Variants in ERBB4 observed in about 807,000 individuals in gnomAD.
ERBB4 encodes erb-b2 receptor tyrosine kinase 4, also known as receptor tyrosine-protein kinase erbB-4.
In ERBB4, 42 loss-of-function variants were observed where a neutral mutation model predicts 158.0. That is an observed-to-expected ratio of 0.27 (90% CI 0.21 to 0.34). The LOEUF (loss-of-function observed/expected upper bound fraction) is 0.34. Among genes scored for constraint, ERBB4 ranks in the 10% least tolerant of loss-of-function variants. The pLI is 1.00. For missense variants in ERBB4, 1,333 were observed against 1,624.1 expected (o/e 0.82, Z 3.08); for synonymous variants, 583 against 558.7 (o/e 1.04, Z -0.61).
chr2:211,422,471 A>G (rs2063533589), intron 23 of ERBB4, among the ~76,000 whole-genome samples: 1 of 147,092 alleles, frequency 6.8e-6, no homozygotes, highest in East Asian at 2.0e-4. Flanking sequence ...TTCTTGTGCT[A>G]CATTTGTCCT....
At chr2:212,471,219 A>G (rs1419385650) in intron 1 of ERBB4, among the ~76,000 whole-genome samples, 3 of 151,980 alleles carry the variant, frequency 2.0e-5, no homozygotes, top group Non-Finnish European at 4.4e-5. Context: ...CTTACAATCC[A>G]TTTCATATTG....
At chr2:212,079,108 A>G (rs1262635976) in intron 2 of ERBB4, among the ~76,000 whole-genome samples, 4 of 151,092 alleles carry the variant, frequency 2.6e-5, no homozygotes, top group Non-Finnish European at 5.9e-5. Context: ...TGTTAGATAT[A>G]ATAATAAAAT....
chr2:212,483,919 A>G (rs1575005901), intron 1 of ERBB4, among the ~76,000 whole-genome samples: 2 of 151,960 alleles, frequency 1.3e-5, no homozygotes, highest in Non-Finnish European at 2.9e-5. Context: ...TTAATTTTTA[A>G]TAGAGACGGA....
intron 1 of ERBB4, among the ~76,000 whole-genome samples, chr2:212,317,007 C>A (rs1028809344): frequency 5.3e-5 from 8 of 151,352 alleles, no homozygotes; most frequent in African/African-American, 1.7e-4. Context: ...GTTTTTCTTC[C>A]CTTGCTCATT....
At chr2:211,403,299 C>T (rs1215031865) in intron 25 of ERBB4, among the ~76,000 whole-genome samples, 1 of 152,116 alleles carries the variant, frequency 6.6e-6, no homozygotes, top group East Asian at 1.9e-4. Flanking sequence ...CAACTCAGGC[C>T]TCAGAGCCAA....
At chr2:212,462,567 A>C (rs1254798021) in intron 1 of ERBB4, among the ~76,000 whole-genome samples, 1 of 152,196 alleles carries the variant, frequency 6.6e-6, no homozygotes, top group East Asian at 1.9e-4. Flanking sequence ...ATCACACCCC[A>C]GTTAGAATGG....
intron 20 of ERBB4, among the ~76,000 whole-genome samples, chr2:211,546,567 A>G (rs143383057): frequency 1.0e-3 from 155 of 152,194 alleles, no homozygotes; most frequent in African/African-American, 3.5e-3. Flanking sequence ...AACCAGAGTG[A>G]TCTGCTAAGC....
At chr2:211,852,612 T>C (rs527962773) in intron 3 of ERBB4, among the ~76,000 whole-genome samples, 1 of 149,786 alleles carries the variant, frequency 6.7e-6, no homozygotes, top group Non-Finnish European at 1.5e-5. Flanking sequence ...AGTGAGGACT[T>C]ACTGTACATG....
intron 1 of ERBB4, among the ~76,000 whole-genome samples, chr2:212,280,681 A>C (rs1422587459): frequency 1.3e-5 from 2 of 151,674 alleles, no homozygotes; most frequent in African/African-American, 4.8e-5. Flanking sequence ...AACTTTATTC[A>C]CACTGAAGTA....
At chr2:212,403,922 C>T (rs1161613267) in intron 1 of ERBB4, among the ~76,000 whole-genome samples, 1 of 151,992 alleles carries the variant, frequency 6.6e-6, no homozygotes, top group Non-Finnish European at 1.5e-5. Context: ...CTTCTTTAGG[C>T]AGGCCTGCTA....
chr2:211,648,689 A>C (rs1049280840), intron 16 of ERBB4, among the ~76,000 whole-genome samples: 14 of 151,852 alleles, frequency 9.2e-5, no homozygotes, highest in African/African-American at 3.4e-4. Flanking sequence ...GATGATACAC[A>C]ATCTAAGATT....
chr2:211,629,678 G>C (rs1173941205), intron 17 of ERBB4, among the ~76,000 whole-genome samples: 2 of 152,148 alleles, frequency 1.3e-5, no homozygotes, highest in Non-Finnish European at 2.9e-5. Flanking sequence ...CAAACAGCAT[G>C]GTACTGGTAC....
At chr2:211,915,590 T>G (rs2125065509) in intron 3 of ERBB4, among the ~76,000 whole-genome samples, 1 of 152,068 alleles carries the variant, frequency 6.6e-6, no homozygotes, top group Non-Finnish European at 1.5e-5. Context: ...TTTACCTAGC[T>G]TAAGTAATTT....
chr2:212,487,425 AG>A (rs1422583486), intron 1 of ERBB4, among the ~76,000 whole-genome samples: 2 of 152,090 alleles, frequency 1.3e-5, no homozygotes, highest in African/African-American at 2.4e-5. Flanking sequence ...TTTTTTTTAT[AG>A]GAAGGAAACT....
chr2:211,492,149 C>T (rs562042309), intron 20 of ERBB4, among the ~76,000 whole-genome samples: 1 of 152,078 alleles, frequency 6.6e-6, no homozygotes, highest in South Asian at 2.1e-4. Context: ...ATGTGTCAGT[C>T]AGAAGGCTAG....
At chr2:211,822,524 T>C (rs1455317344) in intron 3 of ERBB4, among the ~76,000 whole-genome samples, 1 of 152,038 alleles carries the variant, frequency 6.6e-6, no homozygotes, top group Non-Finnish European at 1.5e-5. Context: ...CATCTATCTG[T>C]ACACTTTGGC....
intron 4 of ERBB4, among the ~76,000 whole-genome samples, chr2:211,764,797 G>A (rs577911885): frequency 2.0e-5 from 3 of 152,170 alleles, no homozygotes; most frequent in East Asian, 3.9e-4. Flanking sequence ...GACAAATTTT[G>A]TGTCACAACA....
intron 20 of ERBB4, among the ~76,000 whole-genome samples, chr2:211,550,470 G>A (rs2067057607): frequency 6.6e-6 from 1 of 150,958 alleles, no homozygotes; most frequent in Non-Finnish European, 1.5e-5. Flanking sequence ...AATTTGTCTG[G>A]AGAAGACTTG....
chr2:212,223,618 T>C (rs1258639589), intron 1 of ERBB4, among the ~76,000 whole-genome samples: 2 of 151,484 alleles, frequency 1.3e-5, no homozygotes, highest in Non-Finnish European at 3.0e-5. Context: ...GGAAAGCCAC[T>C]GTGACTCCAT....
Sources: gnomAD v4.1 joint callset for allele counts (sites outside exome capture counted in the v4.1 genomes callset) on GRCh38, gnomAD v4.1.1 for gene constraint, MANE v1.5 for transcripts, NCBI Gene and HGNC (gene_info 2026-07-23, HGNC 2026-07-21) for gene names.